The following SLC6A13 variants were observed in gnomAD, a reference collection of about 807,000 sequenced individuals.
SLC6A13 encodes solute carrier family 6 member 13.
SLC6A13 carries 69 observed loss-of-function variants against 72.9 expected under a neutral mutation model. The observed-to-expected ratio is 0.95, with a 90% CI of 0.78 to 1.16. SLC6A13 has a LOEUF of 1.16. Among genes scored for constraint, SLC6A13 ranks in the 50% most tolerant of loss-of-function variants. The pLI, the probability that SLC6A13 is intolerant of heterozygous loss-of-function variation, is 0.00. For missense variants in SLC6A13, 735 were observed against 760.5 expected, an observed-to-expected ratio of 0.97 and a Z score of 0.39; for synonymous variants, 303 against 303.0, an observed-to-expected ratio of 1.00 and a Z score of 0.00.
intron 7 of SLC6A13, among the ~76,000 whole-genome samples, chr12:233,849 T>C (rs750390954): frequency 6.6e-6 from 1 of 152,088 alleles, no homozygotes; most frequent in Non-Finnish European, 1.5e-5. Context: ...AAACAGCTGC[T>C]AACATGTCAG....
At chr12:242,545 T>G (rs525797) in intron 4 of SLC6A13, 69 bp downstream of exon 4, 1,267,637 of 1,445,738 alleles carry the variant, frequency 0.88, 559,581 homozygotes, top group Non-Finnish European at 0.91. Flanking sequence ...GGGGATATAG[T>G]GACAAGCCCA....
At chr12:257,736 C>A (rs1402708164) in intron 2 of SLC6A13, among the ~76,000 whole-genome samples, 2 of 152,242 alleles carry the variant, frequency 1.3e-5, no homozygotes, top group East Asian at 1.9e-4. Flanking sequence ...CATTGCCAGA[C>A]AAAGGACCGG....
At chr12:258,385 T>C (rs1730482838) in intron 2 of SLC6A13, among the ~76,000 whole-genome samples, 1 of 152,176 alleles carries the variant, frequency 6.6e-6, no homozygotes, top group South Asian at 2.1e-4. Context: ...CTAAAATCAT[T>C]GTGAGACTCA....
At chr12:238,333 A>C (rs1942019817) in intron 4 of SLC6A13, 1 of 1,345,288 alleles carries the variant, frequency 7.4e-7, no homozygotes, top group Non-Finnish European at 9.7e-7. Flanking sequence ...CGTCCTGTGC[A>C]AAGTCACCAC....
At chr12:221,170 G>C (rs1296743538) in intron 14 of SLC6A13, 100 bp from the exon 15 acceptor site, 1 of 1,446,644 alleles carries the variant, frequency 6.9e-7, no homozygotes, top group African/African-American at 1.4e-5. Context: ...ACACAAACCT[G>C]CCCTCCTGTC....
At chr12:230,914 T>G (rs1303453255) in intron 7 of SLC6A13, among the ~76,000 whole-genome samples, 1 of 152,234 alleles carries the variant, frequency 6.6e-6, no homozygotes, top group Non-Finnish European at 1.5e-5. Context: ...CATCTTTCAT[T>G]GATAATGAGG....
At chr12:223,345 G>A in intron 11 of SLC6A13, 111 bp from the exon 12 acceptor site, 2 of 573,220 alleles carry the variant, frequency 3.5e-6, no homozygotes, top group East Asian at 5.9e-5. Context: ...AGTTGGTGAG[G>A]ATCACAGGAG....
chr12:226,488 T>C lies in SLC6A13; in HGVS notation c.962A>G (p.Asn321Ser), dbSNP rs746122946. ...YRDCIALCFL[N>S]SGTSFVAGFA... ...GCCGGCCACAAAGCTGGTGCCGCTG[T>C]TGAGGAAGCAGAGGGCGATGCAGTC... The change falls in exon 9 of 15, where the codon AAC becomes AGC. Residue 321 changes from asparagine to serine, a missense_variant. Asn to Ser is a conservative substitution (Grantham distance 46). Transcript: ENST00000343164. 156 of 1,613,836 alleles carry C rather than the reference T, an allele frequency of 9.7e-5. No individual in the cohort carries two copies. Among genetic ancestry groups the C allele is most frequent in the Non-Finnish European group, 1.3e-4 (150 of 1,179,892 alleles).
At chr12:248,404 A>G (rs201510592) in intron 2 of SLC6A13, among the ~76,000 whole-genome samples, 6 of 21,412 alleles carry the variant, frequency 2.8e-4, no homozygotes, top group Admixed American at 8.7e-4. Flanking sequence ...TCCGTCTCGG[A>G]AAAAAAAAAA....
intron 7 of SLC6A13, among the ~76,000 whole-genome samples, chr12:229,793 G>T (rs1033735493): frequency 2.0e-5 from 3 of 152,208 alleles, no homozygotes; most frequent in African/African-American, 7.2e-5. Context: ...CACACATTCA[G>T]AGGCACAAGC....
At chr12:234,176 G>A (rs1189418592) in intron 7 of SLC6A13, among the ~76,000 whole-genome samples, 1 of 152,180 alleles carries the variant, frequency 6.6e-6, no homozygotes. Flanking sequence ...GCATAACCGG[G>A]TAACCACACT....
rs201412499 is a variant in SLC6A13, at chr12:221,447, G to C, written c.1615C>G (p.Leu539Val). ...GCAGGAATGCAGACCATGGAGGACA[G>C]AGCCAGGAGCCAGCCCAGGGCATCG... ...WGDALGWLLA[L>V]SSMVCIPAWS... The change falls in exon 14 of 15, where the codon CTG (leucine) becomes GTG (valine). Residue 539 changes from leucine (L) to valine (V), a missense_variant. Leu to Val is a conservative substitution (Grantham distance 32). Transcript: ENST00000343164. 399 of 1,614,018 alleles carry C rather than the reference G, an allele frequency of 2.5e-4. 1 individual carries two copies. The highest frequency in any genetic ancestry group is 2.3e-3 in the Middle Eastern group (14 of 6,060).
At chr12:250,689 A>G (rs2137309831) in intron 2 of SLC6A13, among the ~76,000 whole-genome samples, 1 of 152,208 alleles carries the variant, frequency 6.6e-6, no homozygotes, top group East Asian at 1.9e-4. Flanking sequence ...CAGAAGACTT[A>G]ATATCATTAA....
At chr12:248,049 A>C (rs969632820) in intron 2 of SLC6A13, among the ~76,000 whole-genome samples, 1 of 152,040 alleles carries the variant, frequency 6.6e-6, no homozygotes, top group Non-Finnish European at 1.5e-5. Context: ...AGGAGAGGGA[A>C]GGGGGAAACA....
chr12:248,006 A>G (rs566783503), intron 2 of SLC6A13, among the ~76,000 whole-genome samples: 3 of 152,150 alleles, frequency 2.0e-5, no homozygotes, highest in Non-Finnish European at 4.4e-5. Context: ...TGGAATAAGA[A>G]AAAATATTCA....
intron 2 of SLC6A13, 76 bp downstream of exon 2, chr12:259,775 A>G (rs746560740): frequency 6.2e-7 from 1 of 1,614,114 alleles, no homozygotes; most frequent in South Asian, 1.1e-5. Context: ...GACTCCCCAG[A>G]GGGGCCGTAA....
In SLC6A13 at chr12:220,929, C is replaced by A; in HGVS notation, c.*19G>T. 1.9e-6 allele frequency: 3 copies of A among 1,610,924 alleles called. No homozygotes were observed. Among genetic ancestry groups the A allele is most frequent in the Non-Finnish European group, 2.5e-6 (3 of 1,179,788 alleles). Reference sequence around the variant, plus strand: ...ATCCCCAAGGCCAGGCACACAGGCACCATCCAAGGGCCTGCCCCCTAGCAG... The same window carrying A: ...ATCCCCAAGGCCAGGCACACAGGCAACATCCAAGGGCCTGCCCCCTAGCAG... On this transcript the variant is annotated 3_prime_UTR_variant, in exon 15 of 15. Coordinates refer to ENST00000343164, the MANE Select transcript of SLC6A13 (RefSeq NM_016615.5).
rs774039191 is a variant in SLC6A13 at position 235,141 on chromosome 12, T to C, written c.780A>G (p.Gln260=). Residue 260 remains glutamine, a synonymous_variant, in exon 7 of 15, where the codon CAA becomes CAG. Coordinates refer to ENST00000343164, the MANE Select transcript of SLC6A13 (RefSeq NM_016615.5). ...IRGVTLPGAA[Q]GIQFYLYPNL... is the part of the protein sequence containing the mutation. ...TTGGGTACAGGTAAAACTGAATTCC[T>C]TGGGCTGCCCCAGGCAACGTCACCC... The C allele has an allele frequency of 2.5e-6, 4 of 1,614,102 alleles. No homozygotes were observed. The highest frequency in any genetic ancestry group is 2.5e-6 in the Non-Finnish European group (3 of 1,180,044).
At position 223,075 on chromosome 12, in the gene SLC6A13, AC is replaced by A. The variant is rs1408891067; in HGVS notation, c.1414+56del. On this transcript the variant is annotated intron_variant, in intron 12 of 14. Transcript: ENST00000343164. ...GTAGATGTCTGTTTCGTGTCTAAGG[AC>A]CCCAAGACCCTTAGACAAGAGGAGG... 3 of 1,042,826 alleles carry A rather than the reference AC, an allele frequency of 2.9e-6. No individual in the cohort carries two copies. In the East Asian group the frequency reaches 7.3e-5, roughly 25 times the overall value. The allele number at this position is 1,042,826 out of a possible 1,614,324, so 64.6% of individuals were successfully genotyped here.
Sources: gnomAD v4.1 joint callset for allele counts (sites outside exome capture counted in the v4.1 genomes callset) on GRCh38, gnomAD v4.1.1 for gene constraint, MANE v1.5 for transcripts, NCBI Gene and HGNC (gene_info 2026-07-23, HGNC 2026-07-21) for gene names.